The following MBNL3 variants were observed in gnomAD, a reference collection of about 807,000 sequenced individuals.
MBNL3 encodes the protein muscleblind-like protein 3.
A neutral mutation model predicts 24.5 loss-of-function variants in MBNL3; 6 were observed. That is an observed-to-expected ratio of 0.25 (90% CI 0.13 to 0.48). The LOEUF (loss-of-function observed/expected upper bound fraction) is 0.48. MBNL3 is among the 20% of genes least tolerant of loss of function. The pLI, the probability that MBNL3 is intolerant of heterozygous loss-of-function variation, is 0.99. For synonymous variants in MBNL3, 100 were observed against 101.7 expected (o/e 0.98, Z 0.10); for missense variants, 230 against 293.5 (o/e 0.78, Z 1.58).
At chrX:132,425,220 C>A (rs1944202503) in intron 2 of MBNL3, among the ~76,000 whole-genome samples, 1 of 111,559 alleles carries the variant, frequency 9.0e-6, no homozygotes, top group South Asian at 3.8e-4. Context: ...GAGGATTGCA[C>A]CAAGACCTCA....
In MBNL3 at chrX:132,440,538, G is replaced by A. The variant is rs970312483; in HGVS notation, c.-703-224C>T. On this transcript the variant is annotated intron_variant, in intron 1 of 8. Coordinates refer to ENST00000370853, the MANE Select transcript of MBNL3 (RefSeq NM_001386889.1). The stretch of plus-strand genomic sequence containing the variant: ...GCTTAGATTTACTGTTGTAGTACAA[G>A]ACTAGGCAACAACCTCACATGAGGT... Among the ~76,000 whole-genome samples, 3 of 111,597 alleles carry A rather than the reference G, an allele frequency of 2.7e-5. No individual in the cohort carries two copies. The South Asian group carries it at 1.1e-3, about 42-fold the overall frequency.
rs1014741836 is a variant in MBNL3, at chrX:132,378,641, A to C, written c.*1025T>G. 4 of 111,833 alleles carry C rather than the reference A, an allele frequency of 3.6e-5. No homozygotes were observed. The South Asian group carries it at 1.1e-3, about 31-fold the overall frequency. 9.2% of individuals were successfully genotyped at this position (111,833 alleles called of 1,213,427 possible). On this transcript the variant is annotated 3_prime_UTR_variant, in exon 9 of 9. Transcript: ENST00000370853. The stretch of plus-strand genomic sequence containing the variant: ...GTTTGATTTATAACTTGTAATTAGC[A>C]TATTTTTAAGCTCCCAAGTACCAGT...
At chrX:132,417,714 C>G (rs147290319) in intron 2 of MBNL3, among the ~76,000 whole-genome samples, 112 of 111,377 alleles carry the variant, frequency 1.0e-3, no homozygotes, top group Non-Finnish European at 1.8e-3. Context: ...TAAATCTACT[C>G]TAGCTCCATT....
intron 2 of MBNL3, chrX:132,431,423 T>G (rs1944722599): frequency 8.9e-6 from 1 of 112,036 alleles, no homozygotes; most frequent in Non-Finnish European, 1.9e-5. Flanking sequence ...TGTCATCATT[T>G]AGTTTCTTGC....
Position 132,377,973 on chromosome X carries a change from C to A in MBNL3, c.*1693G>T, listed in dbSNP as rs1288404255. The A allele has an allele frequency of 9.1e-6, 1 of 110,409 alleles. No individual in the cohort carries two copies. The highest frequency in any genetic ancestry group is 1.9e-5 in the Non-Finnish European group (1 of 52,831). 9.1% of individuals were successfully genotyped at this position (110,409 alleles called of 1,213,427 possible). A position where few individuals can be genotyped will look rare whatever the true frequency, so the allele number is the denominator to read the frequency against. ...TAGAGTGGATGAGATATGTCACACA[C>A]CACAGGAATTATTTGGTTGTAAAAT... On this transcript the variant is annotated 3_prime_UTR_variant, in exon 9 of 9. Transcript: ENST00000370853.
intron 1 of MBNL3, among the ~76,000 whole-genome samples, chrX:132,445,648 G>C (rs1448649025): frequency 9.0e-6 from 1 of 110,555 alleles, no homozygotes; most frequent in South Asian, 3.8e-4. Flanking sequence ...ATCATAAAAG[G>C]AAAAAATAGG....
chrX:132,475,552 T>TA (rs1249633781), intron 1 of MBNL3, among the ~76,000 whole-genome samples: 4 of 111,604 alleles, frequency 3.6e-5, no homozygotes, highest in African/African-American at 1.3e-4. Flanking sequence ...TTTCATAACT[T>TA]AAAAAAACTG....
chrX:132,396,557 T>TATATATATTC (rs1938735477), intron 3 of MBNL3, among the ~76,000 whole-genome samples: 1 of 17,817 alleles, frequency 5.6e-5, no homozygotes, highest in African/African-American at 1.4e-4. Flanking sequence ...TATATATTCC[T>TATATATATTC]ATATATATTC....
At chrX:132,462,330 T>C (rs1946668059) in intron 1 of MBNL3, among the ~76,000 whole-genome samples, 2 of 112,440 alleles carry the variant, frequency 1.8e-5, no homozygotes, top group African/African-American at 6.5e-5. Flanking sequence ...TTAAAAACCA[T>C]TCTATTTTTT....
chrX:132,405,300 G>A (rs1043500869), intron 3 of MBNL3, among the ~76,000 whole-genome samples: 3 of 111,656 alleles, frequency 2.7e-5, no homozygotes, highest in Non-Finnish European at 5.6e-5. Flanking sequence ...GCAGAGAAGA[G>A]AGGGGAGGCA....
At chrX:132,410,217 TAA>T (rs1942530769) in intron 2 of MBNL3, among the ~76,000 whole-genome samples, 1 of 112,160 alleles carries the variant, frequency 8.9e-6, no homozygotes, top group South Asian at 3.7e-4. Context: ...AGCCTTTAAC[TAA>T]GAGAGAAAAG....
chrX:132,411,527 G>T, intron 2 of MBNL3: 1 of 540,044 alleles, frequency 1.9e-6, no homozygotes, highest in Non-Finnish European at 2.3e-6. Context: ...AAGGGGTGGG[G>T]TGACTTGTCC....
chrX:132,454,966 C>T (rs747612604), intron 1 of MBNL3, among the ~76,000 whole-genome samples: 3 of 112,188 alleles, frequency 2.7e-5, no homozygotes, highest in African/African-American at 9.7e-5. Flanking sequence ...TTATGCTTCA[C>T]TGGAAATTGT....
chrX:132,473,240 T>A (rs771806504), intron 1 of MBNL3, among the ~76,000 whole-genome samples: 2 of 112,016 alleles, frequency 1.8e-5, no homozygotes, highest in Non-Finnish European at 3.8e-5. Context: ...TAAAACTATA[T>A]CCTCCATAAT....
At chrX:132,411,721 G>A (rs1406626853) in intron 2 of MBNL3, among the ~76,000 whole-genome samples, 1 of 111,013 alleles carries the variant, frequency 9.0e-6, no homozygotes, top group Non-Finnish European at 1.9e-5. Flanking sequence ...CAGTTTTATC[G>A]TAGCTCTTAT....
intron 1 of MBNL3, among the ~76,000 whole-genome samples, chrX:132,478,222 C>G (rs1947546038): frequency 9.0e-6 from 1 of 111,186 alleles, no homozygotes; most frequent in Non-Finnish European, 1.9e-5. Flanking sequence ...TGTTAAACAT[C>G]CGTTTTTGGC....
chrX:132,431,606 T>A (rs940222098), intron 2 of MBNL3: 1 of 111,636 alleles, frequency 9.0e-6, no homozygotes, highest in African/African-American at 3.3e-5. Flanking sequence ...ATTCCAAAGA[T>A]CCCGAGTTCC....
intron 2 of MBNL3, among the ~76,000 whole-genome samples, chrX:132,414,498 G>A (rs1265225928): frequency 9.0e-6 from 1 of 111,705 alleles, no homozygotes; most frequent in Non-Finnish European, 1.9e-5. Context: ...CAAAAGCTGG[G>A]TTCACTGGTC....
intron 1 of MBNL3, among the ~76,000 whole-genome samples, chrX:132,460,585 A>T (rs912697288): frequency 8.9e-6 from 1 of 112,524 alleles, no homozygotes; most frequent in African/African-American, 3.2e-5. Flanking sequence ...TGTCTGGCAC[A>T]GAGTAAATAC....
Sources: allele counts gnomAD v4.1 joint callset (sites outside exome capture counted in the v4.1 genomes callset), GRCh38; gene constraint gnomAD v4.1.1; transcripts MANE v1.5; gene names NCBI Gene and HGNC (gene_info 2026-07-23, HGNC 2026-07-21).